Variants in MAP2K5 observed in about 807,000 individuals in gnomAD.
MAP2K5 encodes the protein dual specificity mitogen-activated protein kinase kinase 5.
In MAP2K5, 49 loss-of-function variants were observed where a neutral mutation model predicts 83.1. That is an observed-to-expected ratio of 0.59 (90% CI 0.47 to 0.75). The LOEUF is 0.75. Ranked by LOEUF, MAP2K5 falls within the 30% of genes least tolerant of loss-of-function variation. The probability of loss-of-function intolerance (pLI) is 0.00; values close to 1 mark genes in which losing one functional copy is unlikely to be tolerated. For synonymous variants in MAP2K5, 202 were observed against 191.8 expected (o/e 1.05, Z -0.44); for missense variants, 457 against 557.5 (o/e 0.82, Z 1.82).
chr15:67,670,538 T>A, intron 13 of MAP2K5: 1 of 447,666 alleles, frequency 2.2e-6, no homozygotes, highest in South Asian at 1.6e-5. Flanking sequence ...AAAGCTCTTC[T>A]TACATCTTAG....
At chr15:67,657,318 C>G (rs559608267) in intron 11 of MAP2K5, among the ~76,000 whole-genome samples, 63 of 152,160 alleles carry the variant, frequency 4.1e-4, no homozygotes, top group African/African-American at 1.5e-3. Context: ...AGTTTTGAGT[C>G]ATTCAGGTCA....
intron 14 of MAP2K5, among the ~76,000 whole-genome samples, chr15:67,693,174 T>C (rs2088159571): frequency 6.6e-6 from 1 of 152,230 alleles, no homozygotes; most frequent in South Asian, 2.1e-4. Context: ...CATTCACATC[T>C]TGAGCCATCT....
In MAP2K5 at chr15:67,758,350, A is replaced by G. The variant is rs550638447; in HGVS notation, c.1134+9749A>G. Among the ~76,000 whole-genome samples, 89 of 152,272 alleles carry G rather than the reference A, an allele frequency of 5.8e-4. No homozygotes were observed. Among genetic ancestry groups the G allele is most frequent in the Non-Finnish European group, 5.3e-4 (36 of 67,996 alleles). On this transcript the variant is annotated intron_variant, in intron 19 of 21. Coordinates refer to ENST00000178640, the MANE Select transcript of MAP2K5 (RefSeq NM_145160.3). The surrounding 1 kb of genome is among the most constrained non-coding windows in gnomAD (Gnocchi z 4.7). ...TCTCAGGGCTTGGGCAGTCAGGTGC[A>G]TGGTGGTACTCTCCTGAGATGGGGC...
At chr15:67,667,717 G>A (rs1646347725) in intron 13 of MAP2K5, among the ~76,000 whole-genome samples, 1 of 152,108 alleles carries the variant, frequency 6.6e-6, no homozygotes, top group Non-Finnish European at 1.5e-5. Context: ...AAATGGAGAT[G>A]TGTTCAGTAT....
intron 8 of MAP2K5, among the ~76,000 whole-genome samples, chr15:67,602,735 C>G (rs1326049000): frequency 1.3e-5 from 2 of 152,224 alleles, no homozygotes; most frequent in Non-Finnish European, 2.9e-5. Flanking sequence ...GATCTCAGCT[C>G]AGTGCAACCT....
intron 13 of MAP2K5, among the ~76,000 whole-genome samples, chr15:67,685,402 G>C (rs1466400601): frequency 6.6e-6 from 1 of 152,086 alleles, no homozygotes; most frequent in Non-Finnish European, 1.5e-5. Flanking sequence ...AGATGAATAT[G>C]AGAGAATTCA....
chr15:67,657,868 A>G (rs1439113433), intron 11 of MAP2K5, among the ~76,000 whole-genome samples: 1 of 152,132 alleles, frequency 6.6e-6, no homozygotes, highest in African/African-American at 2.4e-5. Flanking sequence ...GAAAATATTC[A>G]CATTTGCATT....
At chr15:67,649,586 G>GT (rs1396689557) in intron 11 of MAP2K5, among the ~76,000 whole-genome samples, 1 of 152,072 alleles carries the variant, frequency 6.6e-6, no homozygotes, top group Non-Finnish European at 1.5e-5. Context: ...GTTAAAGACT[G>GT]TTTTTCCCAT....
intron 8 of MAP2K5, among the ~76,000 whole-genome samples, chr15:67,618,665 A>G (rs1214260204): frequency 5.3e-5 from 8 of 152,216 alleles, no homozygotes; most frequent in Non-Finnish European, 2.9e-5. Flanking sequence ...GATGCTAAGG[A>G]CAAAAACTTT....
intron 9 of MAP2K5, among the ~76,000 whole-genome samples, chr15:67,645,554 G>T (rs767712271): frequency 2.6e-5 from 4 of 152,132 alleles, no homozygotes; most frequent in Non-Finnish European, 5.9e-5. Flanking sequence ...CAAACCACAA[G>T]ATAGTTCTTT....
Position 67,637,447 on chromosome 15 carries a change from ACTCTACCTGGTGC to A in MAP2K5, c.585+6523_585+6535del, listed in dbSNP as rs1237310225. Among the ~76,000 whole-genome samples the A allele has an allele frequency of 6.6e-6, 1 of 152,080 alleles. No homozygotes were observed. Among genetic ancestry groups the A allele is most frequent in the Non-Finnish European group, 1.5e-5 (1 of 68,004 alleles). ...CAGCAGAGGTAGTACTCTTCTGAGT[ACTCTACCTGGTGC>A]CTTGCAAATTGCAAGGTTTTTCCAC... On this transcript the variant is annotated intron_variant, in intron 9 of 21. Transcript: ENST00000178640. This position sits in a 1 kb window ranked among gnomAD's most constrained non-coding sequence, Gnocchi z 4.5.
chr15:67,629,828 T>C (rs2086424278), intron 8 of MAP2K5, among the ~76,000 whole-genome samples: 1 of 152,256 alleles, frequency 6.6e-6, no homozygotes, highest in Non-Finnish European at 1.5e-5. Context: ...ATAACAATGC[T>C]TGTTTATGTT....
At chr15:67,765,062 A>T (rs565822011) in intron 19 of MAP2K5, among the ~76,000 whole-genome samples, 1 of 152,354 alleles carries the variant, frequency 6.6e-6, no homozygotes, top group African/African-American at 2.4e-5. Context: ...AATATCTCGT[A>T]AGTATAGTAC....
intron 2 of MAP2K5, among the ~76,000 whole-genome samples, chr15:67,556,072 C>A (rs760974066): frequency 1.3e-5 from 2 of 152,224 alleles, no homozygotes; most frequent in Non-Finnish European, 2.9e-5. Flanking sequence ...AGGCATGAGC[C>A]ACCGTACCTG....
At chr15:67,545,579 T>C (rs1232662287) in intron 1 of MAP2K5, among the ~76,000 whole-genome samples, 1 of 152,234 alleles carries the variant, frequency 6.6e-6, no homozygotes, top group Non-Finnish European at 1.5e-5. Flanking sequence ...GGTTTTCTCT[T>C]ACTCATTTAA....
At chr15:67,616,295 T>A (rs1304420106) in intron 8 of MAP2K5, among the ~76,000 whole-genome samples, 1 of 152,202 alleles carries the variant, frequency 6.6e-6, no homozygotes, top group Non-Finnish European at 1.5e-5. Flanking sequence ...AATAAGGAAG[T>A]AGATTTAATA....
At chr15:67,772,176 T>G (rs2090154432) in intron 20 of MAP2K5, among the ~76,000 whole-genome samples, 3 of 152,232 alleles carry the variant, frequency 2.0e-5, no homozygotes, top group Admixed American at 2.0e-4. Flanking sequence ...GCAACACACT[T>G]CTAATTTTGT....
intron 13 of MAP2K5, among the ~76,000 whole-genome samples, chr15:67,671,422 G>T (rs1033266854): frequency 6.6e-6 from 1 of 152,144 alleles, no homozygotes; most frequent in Non-Finnish European, 1.5e-5. Context: ...TTTTAAAACT[G>T]AAGATAAGAG....
intron 16 of MAP2K5, among the ~76,000 whole-genome samples, chr15:67,704,938 C>T (rs191380908): frequency 3.3e-5 from 5 of 152,226 alleles, no homozygotes; most frequent in Non-Finnish European, 7.3e-5. Context: ...ATTACAGTTC[C>T]AGGTTTGCTA....
Sources: allele counts gnomAD v4.1 joint callset (sites outside exome capture counted in the v4.1 genomes callset), GRCh38; gene constraint gnomAD v4.1.1; non-coding constraint Gnocchi (gnomAD v3.1); transcripts MANE v1.5; gene names NCBI Gene and HGNC (gene_info 2026-07-23, HGNC 2026-07-21).